The following GLRA3 variants were observed in gnomAD, a reference collection of about 807,000 sequenced individuals.
GLRA3 encodes the protein glycine receptor alpha 3.
In GLRA3, 44 loss-of-function variants were observed where a neutral mutation model predicts 60.4. The ratio of observed to expected loss-of-function variants is 0.73; its 90% CI spans 0.57 to 0.94. The LOEUF (loss-of-function observed/expected upper bound fraction) is 0.94, where lower values mean the gene tolerates loss of function less well. GLRA3 is among the 40% of genes least tolerant of loss of function. The pLI is 0.00. For missense variants in GLRA3, 508 were observed against 564.6 expected, an observed-to-expected ratio of 0.90 and a Z score of 1.02; for synonymous variants, 223 against 192.9, an observed-to-expected ratio of 1.16 and a Z score of -1.29.
At chr4:174,726,751 T>C (rs1382065307) in intron 4 of GLRA3, among the ~76,000 whole-genome samples, 1 of 152,166 alleles carries the variant, frequency 6.6e-6, no homozygotes, top group African/African-American at 2.4e-5. Flanking sequence ...TCCAGGTTTT[T>C]TAGTTGTACT....
chr4:174,817,619 CT>C (rs939776739), intron 1 of GLRA3, among the ~76,000 whole-genome samples: 1 of 151,936 alleles, frequency 6.6e-6, no homozygotes, highest in African/African-American at 2.4e-5. Flanking sequence ...AATATATATA[CT>C]TTTTTGAGAT....
intron 9 of GLRA3, among the ~76,000 whole-genome samples, chr4:174,645,440 A>G (rs1202190834): frequency 6.7e-6 from 1 of 148,600 alleles, no homozygotes; most frequent in African/African-American, 2.5e-5. Context: ...AAAAAAAAAG[A>G]AAATGATGTT....
intron 1 of GLRA3, among the ~76,000 whole-genome samples, chr4:174,827,274 A>G (rs1185854112): frequency 6.6e-6 from 1 of 151,876 alleles, no homozygotes; most frequent in Non-Finnish European, 1.5e-5. Flanking sequence ...TTATCTCAGA[A>G]CATGTTTTAA....
intron 2 of GLRA3, among the ~76,000 whole-genome samples, chr4:174,783,879 A>T (rs1403799583): frequency 6.6e-6 from 1 of 152,160 alleles, no homozygotes; most frequent in African/African-American, 2.4e-5. Context: ...GTGGTACTGT[A>T]AACTAGTTCA....
chr4:174,670,559 C>G (rs888690298), intron 7 of GLRA3, among the ~76,000 whole-genome samples: 1 of 152,082 alleles, frequency 6.6e-6, no homozygotes, highest in African/African-American at 2.4e-5. Context: ...TGTTTTTAAA[C>G]TTAGTTTGAT....
At chr4:174,705,999 G>C (rs1333779274) in intron 5 of GLRA3, among the ~76,000 whole-genome samples, 2 of 152,114 alleles carry the variant, frequency 1.3e-5, no homozygotes, top group African/African-American at 2.4e-5. Flanking sequence ...GGGAGGCCAA[G>C]GTGGGTGGAT....
intron 3 of GLRA3, among the ~76,000 whole-genome samples, chr4:174,752,659 T>G (rs1737536569): frequency 6.6e-6 from 1 of 152,166 alleles, no homozygotes; most frequent in African/African-American, 2.4e-5. Context: ...CCCAAATGTC[T>G]TCCTTACCGT....
chr4:174,739,774 C>A (rs546135942), intron 3 of GLRA3, among the ~76,000 whole-genome samples: 1 of 151,932 alleles, frequency 6.6e-6, no homozygotes, highest in Non-Finnish European at 1.5e-5. Flanking sequence ...TCATTTTTAC[C>A]GAAAAGGAAA....
At chr4:174,787,716 TG>T (rs1415952137) in intron 2 of GLRA3, among the ~76,000 whole-genome samples, 1 of 152,030 alleles carries the variant, frequency 6.6e-6, no homozygotes, top group African/African-American at 2.4e-5. Context: ...GTGCTATTTT[TG>T]CACAACTTGT....
At chr4:174,689,932 C>G (rs990762286) in intron 5 of GLRA3, among the ~76,000 whole-genome samples, 5 of 151,750 alleles carry the variant, frequency 3.3e-5, no homozygotes, top group East Asian at 3.9e-4. Context: ...TCAGACAAAA[C>G]AGATTTCAAA....
chr4:174,821,773 G>A (rs942333135), intron 1 of GLRA3, among the ~76,000 whole-genome samples: 2 of 152,076 alleles, frequency 1.3e-5, no homozygotes, highest in African/African-American at 4.8e-5. Context: ...TCCACTAGAT[G>A]CTGCCAATTT....
At chr4:174,648,698 C>A (rs1222785363) in intron 9 of GLRA3, among the ~76,000 whole-genome samples, 11 of 152,198 alleles carry the variant, frequency 7.2e-5, no homozygotes, top group Non-Finnish European at 1.6e-4. Flanking sequence ...TCTGGGAAGG[C>A]AGGAGGGTGT....
rs562709851 is a variant in GLRA3 at position 174,703,314 on chromosome 4, C to T, written c.574+12174G>A. On this transcript the variant is annotated intron_variant, in intron 5 of 9. Coordinates refer to ENST00000274093, the MANE Select transcript of GLRA3 (RefSeq NM_006529.4). ...ATAAAGGAAGCAGTGGAGCCATTGC[C>T]TTCATGATTCACAGCTCCTGGGCTT... Among the ~76,000 whole-genome samples, 3 of 152,294 alleles carry T rather than the reference C, an allele frequency of 2.0e-5. No individual in the cohort carries two copies. The South Asian group carries it at 6.2e-4, about 32-fold the overall frequency.
chr4:174,755,080 T>A (rs908805593), intron 3 of GLRA3, among the ~76,000 whole-genome samples: 1 of 152,146 alleles, frequency 6.6e-6, no homozygotes, highest in Non-Finnish European at 1.5e-5. Context: ...TAGCATTGAT[T>A]TATGACAATG....
intron 7 of GLRA3, among the ~76,000 whole-genome samples, chr4:174,662,666 G>A (rs765615730): frequency 3.9e-5 from 6 of 152,140 alleles, no homozygotes; most frequent in Non-Finnish European, 5.9e-5. Flanking sequence ...GGTGGCAGGA[G>A]TGGTAAATAA....
In GLRA3 at chr4:174,643,733, G is replaced by T. The variant is rs1732698174; in HGVS notation, c.*53C>A. The T allele has an allele frequency of 8.2e-6, 13 of 1,577,706 alleles. No individual in the cohort carries two copies. Among genetic ancestry groups the T allele is most frequent in the Non-Finnish European group, 8.6e-7 (1 of 1,161,630 alleles). ...ACACATATACACATACACACCTATG[G>T]CAGAGACACTTTCTTCTGAATTGAC... On this transcript the variant is annotated 3_prime_UTR_variant, in exon 10 of 10. Transcript: ENST00000274093.
chr4:174,662,948 G>T (rs1398295834), intron 7 of GLRA3, among the ~76,000 whole-genome samples: 1 of 151,460 alleles, frequency 6.6e-6, no homozygotes, highest in Non-Finnish European at 1.5e-5. Flanking sequence ...CTGAGTGAAT[G>T]GACAGATAAA....
chr4:174,702,776 C>T (rs548855386), intron 5 of GLRA3, among the ~76,000 whole-genome samples: 36 of 152,244 alleles, frequency 2.4e-4, no homozygotes, highest in African/African-American at 8.2e-4. Context: ...CTATGTTTCC[C>T]AGACTAGTCT....
At chr4:174,763,496 G>A (rs1399876771) in intron 3 of GLRA3, among the ~76,000 whole-genome samples, 1 of 152,218 alleles carries the variant, frequency 6.6e-6, no homozygotes, top group Non-Finnish European at 1.5e-5. Context: ...CCAGGTCTGT[G>A]TGTATGCACC....
Sources: gnomAD v4.1 joint callset for allele counts (sites outside exome capture counted in the v4.1 genomes callset) on GRCh38, gnomAD v4.1.1 for gene constraint, MANE v1.5 for transcripts, NCBI Gene and HGNC (gene_info 2026-07-23, HGNC 2026-07-21) for gene names.